The following FERRY3 variants were observed in gnomAD, a reference collection of about 807,000 sequenced individuals.
The protein encoded by FERRY3 is FERRY endosomal RAB5 effector complex subunit 3.
the FERRY3 span, chr12:4,489,273 G>T: frequency 2.0e-5 from 3 of 152,616 alleles, no homozygotes; most frequent in Non-Finnish European, 4.4e-5. Flanking sequence ...AAGAGATTCT[G>T]AAACAGGAGA....
the FERRY3 span, among the ~76,000 whole-genome samples, chr12:4,531,237 C>T: frequency 1.3e-5 from 2 of 152,200 alleles, no homozygotes; most frequent in African/African-American, 4.8e-5. Flanking sequence ...CAAAACTGTT[C>T]TGATAACTGT....
the FERRY3 span, chr12:4,536,114 T>A: frequency 6.2e-7 from 1 of 1,608,946 alleles, no homozygotes; most frequent in South Asian, 1.1e-5. Flanking sequence ...GCACTCTCAG[T>A]TCTAAGCACT....
the FERRY3 span, among the ~76,000 whole-genome samples, chr12:4,514,089 T>C: frequency 6.6e-6 from 1 of 151,132 alleles, no homozygotes; most frequent in South Asian, 2.1e-4. Flanking sequence ...GCAAAGGACA[T>C]GAACAGACAC....
the FERRY3 span, chr12:4,518,265 G>C: frequency 6.2e-7 from 1 of 1,612,844 alleles, no homozygotes; most frequent in Non-Finnish European, 8.5e-7. Context: ...CCTGGGGGTA[G>C]GCAATAGTCC....
the FERRY3 span, chr12:4,534,147 A>G: frequency 6.5e-7 from 1 of 1,549,806 alleles, no homozygotes. Flanking sequence ...AATCTGACCT[A>G]TTTTCTTACC....
the FERRY3 span, among the ~76,000 whole-genome samples, chr12:4,506,939 A>G: frequency 0.019 from 2,920 of 152,290 alleles, 98 homozygotes; most frequent in African/African-American, 0.066. Flanking sequence ...CTTCTATAAC[A>G]ACATGCAGCT....
chr12:4,522,273 C>T, the FERRY3 span, among the ~76,000 whole-genome samples: 1 of 152,204 alleles, frequency 6.6e-6, no homozygotes, highest in East Asian at 1.9e-4. Context: ...AAACTTCACT[C>T]TCTGACTGAC....
At chr12:4,502,570 T>C in the FERRY3 span, 1 of 354,484 alleles carries the variant, frequency 2.8e-6, no homozygotes, top group Non-Finnish European at 5.5e-6. This position sits in a 1 kb window ranked among gnomAD's most constrained non-coding sequence, Gnocchi z 4.2. Flanking sequence ...TGATAAGTCC[T>C]TCTAGGAAAG....
At chr12:4,518,767 C>A in the FERRY3 span, 3 of 1,487,480 alleles carry the variant, frequency 2.0e-6, no homozygotes, top group South Asian at 3.7e-5. Context: ...AAAATTAACA[C>A]ACTTACCTAA....
the FERRY3 span, among the ~76,000 whole-genome samples, chr12:4,513,683 C>T: frequency 3.3e-5 from 5 of 152,258 alleles, no homozygotes; most frequent in South Asian, 6.2e-4. Flanking sequence ...GGAAAACTGG[C>T]TAGCCATATG....
the FERRY3 span, chr12:4,488,708 A>T: frequency 1.3e-5 from 2 of 152,230 alleles, no homozygotes; most frequent in Non-Finnish European, 2.9e-5. This position sits in a 1 kb window ranked among gnomAD's most constrained non-coding sequence, Gnocchi z 4.9. Context: ...ATGCCATCTT[A>T]TGACACCAAA....
At chr12:4,498,024 T>C in the FERRY3 span, among the ~76,000 whole-genome samples, 1 of 152,184 alleles carries the variant, frequency 6.6e-6, no homozygotes, top group African/African-American at 2.4e-5. Flanking sequence ...ATACAACAAA[T>C]GGGAGAATCA....
At chr12:4,489,881 A>C in the FERRY3 span, 16 of 1,607,622 alleles carry the variant, frequency 1.0e-5, no homozygotes, top group African/African-American at 1.1e-4. Context: ...AGTTGATAAA[A>C]CATTTCTTCA....
chr12:4,527,573 G>A, the FERRY3 span, among the ~76,000 whole-genome samples: 4 of 152,060 alleles, frequency 2.6e-5, no homozygotes, highest in South Asian at 2.1e-4. Flanking sequence ...ATAAGAAAAT[G>A]TGTCACTTCT....
At chr12:4,501,632 TG>T in the FERRY3 span, among the ~76,000 whole-genome samples, 8 of 152,236 alleles carry the variant, frequency 5.3e-5, no homozygotes, top group Non-Finnish European at 1.0e-4. Flanking sequence ...TAATGCCTGA[TG>T]ATCTGTCACT....
At chr12:4,521,747 A>G in the FERRY3 span, among the ~76,000 whole-genome samples, 1 of 152,362 alleles carries the variant, frequency 6.6e-6, no homozygotes, top group Admixed American at 6.5e-5. Flanking sequence ...ATAAATATAT[A>G]GGTTGGTGGA....
chr12:4,534,428 G>T, the FERRY3 span: 1 of 1,063,186 alleles, frequency 9.4e-7, no homozygotes, highest in Non-Finnish European at 1.3e-6. Context: ...TAGAGATGGG[G>T]TCTCTCTCTC....
the FERRY3 span, among the ~76,000 whole-genome samples, chr12:4,510,980 G>A: frequency 2.1e-4 from 32 of 151,908 alleles, no homozygotes; most frequent in East Asian, 3.9e-4. Flanking sequence ...TCAGTGTGCT[G>A]TATTCAGGAA....
the FERRY3 span, among the ~76,000 whole-genome samples, chr12:4,508,465 C>G: frequency 6.6e-6 from 1 of 152,184 alleles, no homozygotes; most frequent in African/African-American, 2.4e-5. Flanking sequence ...TAAATACTTG[C>G]CAGGTGCAGT....
Sources: allele counts gnomAD v4.1 joint callset (sites outside exome capture counted in the v4.1 genomes callset), GRCh38; gene constraint gnomAD v4.1.1; non-coding constraint Gnocchi (gnomAD v3.1); transcripts MANE v1.5; gene names NCBI Gene and HGNC (gene_info 2026-07-23, HGNC 2026-07-21).